The following FLYWCH2 variants were observed in gnomAD, a reference collection of about 807,000 sequenced individuals.
FLYWCH2 encodes the protein FLYWCH family member 2.
In FLYWCH2, 2 loss-of-function variants were observed where a neutral mutation model predicts 6.0. The ratio of observed to expected loss-of-function variants is 0.33; its 90% confidence interval spans 0.14 to 1.04. FLYWCH2 has a LOEUF of 1.04. Among genes scored for constraint, FLYWCH2 ranks in the 50% least tolerant of loss-of-function variants. The pLI, the probability that FLYWCH2 is intolerant of heterozygous loss-of-function variation, is 0.45. For missense variants in FLYWCH2, 192 were observed against 183.4 expected (o/e 1.05, Z -0.27); for synonymous variants, 87 against 79.3 (o/e 1.10, Z -0.52).
Position 2,896,459 on chromosome 16 carries a change from C to G in FLYWCH2, c.10C>G (p.Pro4Ala). The G allele has an allele frequency of 6.2e-7, 1 of 1,611,864 alleles. No homozygotes were observed. The highest frequency in any genetic ancestry group is 8.5e-7 in the Non-Finnish European group (1 of 1,178,794). The change falls in exon 3 of 4, where the codon CCC becomes GCC. Residue 4 changes from proline to alanine, a missense_variant. By Grantham distance (27) the Pro-to-Ala change is conservative. Transcript: ENST00000396958. ...GGCCCTGGGTCCCGGGATGCCCCTGCCCGAGCCCAGCGAGCAGGAGGGTGA... is the reference window on the plus strand; with the variant it reads ...GGCCCTGGGTCCCGGGATGCCCCTGGCCGAGCCCAGCGAGCAGGAGGGTGA... MPL[P>A]EPSEQEGESV...
chr16:2,891,933 T>C (rs1055537986), intron 1 of FLYWCH2, among the ~76,000 whole-genome samples: 6 of 151,740 alleles, frequency 4.0e-5, no homozygotes, highest in African/African-American at 1.5e-4. Flanking sequence ...GGCTCATGCC[T>C]GTAATCCCAG....
At chr16:2,891,562 G>A (rs1378721839) in intron 1 of FLYWCH2, among the ~76,000 whole-genome samples, 1 of 151,790 alleles carries the variant, frequency 6.6e-6, no homozygotes, top group Non-Finnish European at 1.5e-5. Context: ...CCGCCACCAC[G>A]CCCGTCTAAT....
chr16:2,885,566 A>C (rs929868725), intron 1 of FLYWCH2, among the ~76,000 whole-genome samples: 12 of 152,174 alleles, frequency 7.9e-5, no homozygotes, highest in Non-Finnish European at 5.9e-5. Flanking sequence ...TTTCATGTAA[A>C]TGGAATCATA....
intron 1 of FLYWCH2, among the ~76,000 whole-genome samples, chr16:2,892,473 G>A (rs187970636): frequency 7.0e-6 from 1 of 142,772 alleles, no homozygotes; most frequent in African/African-American, 2.6e-5. Context: ...TCCAGCCTGG[G>A]AGACAGAGCG....
At chr16:2,898,865 C>A in intron 3 of FLYWCH2, 184 bp from the exon 4 acceptor site, 1 of 490,312 alleles carries the variant, frequency 2.0e-6, no homozygotes, top group East Asian at 3.5e-5. Context: ...GCTTTTGTGG[C>A]CCTGGCCTGG....
At chr16:2,895,983 A>G (rs981373316) in intron 2 of FLYWCH2, among the ~76,000 whole-genome samples, 8 of 152,218 alleles carry the variant, frequency 5.3e-5, no homozygotes, top group Admixed American at 1.3e-4. Flanking sequence ...GCCTGCTGTC[A>G]TAACAGGGGT....
At chr16:2,897,871 G>A (rs1166429774) in intron 3 of FLYWCH2, among the ~76,000 whole-genome samples, 1 of 152,218 alleles carries the variant, frequency 6.6e-6, no homozygotes, top group Non-Finnish European at 1.5e-5. Context: ...GGAAGAAGGT[G>A]AGTTGGGGTT....
intron 1 of FLYWCH2, among the ~76,000 whole-genome samples, chr16:2,893,094 T>G (rs2069778438): frequency 6.6e-6 from 1 of 151,496 alleles, no homozygotes; most frequent in Non-Finnish European, 1.5e-5. Context: ...CACTCCCAAC[T>G]CCCACACACC....
At chr16:2,898,896 C>T (rs2069851714) in intron 3 of FLYWCH2, 153 bp from the exon 4 acceptor site, 1 of 538,412 alleles carries the variant, frequency 1.9e-6, no homozygotes, top group Non-Finnish European at 3.2e-6. Flanking sequence ...AGCAGCGTCC[C>T]TGAGTGGCAG....
In FLYWCH2 at chr16:2,896,544, C is replaced by T; in HGVS notation, c.95C>T (p.Ala32Val). Residue 32 changes from alanine (A) to valine (V), a missense_variant, in exon 3 of 4, where the codon GCC becomes GTC. Ala to Val is a moderately conservative substitution (Grantham distance 64). Transcript: ENST00000396958. ...PKPGTEVIPAAPRKPRKFSKL... is the reference protein window; with the variant it reads ...PKPGTEVIPAVPRKPRKFSKL... ...CCAGGCACAGAAGTCATCCCGGCAG[C>T]CCCCAGGAAGCCCAGAAAGTTCTCC... 6.2e-7 allele frequency: 1 copy of T among 1,614,182 alleles called. No homozygotes were observed. The highest frequency in any genetic ancestry group is 2.2e-5 in the East Asian group (1 of 44,878).
intron 3 of FLYWCH2, among the ~76,000 whole-genome samples, chr16:2,897,611 C>T (rs964222088): frequency 6.6e-6 from 1 of 152,200 alleles, no homozygotes; most frequent in Non-Finnish European, 1.5e-5. Context: ...GCCATGGTAG[C>T]AGAGATGGGA....
chr16:2,886,190 T>G lies in FLYWCH2; in HGVS notation c.-200+2824T>G, dbSNP rs9935754. Among the ~76,000 whole-genome samples the G allele has an allele frequency of 6.6e-5, 10 of 151,780 alleles. No homozygotes were observed. In the East Asian group the frequency reaches 1.5e-3, roughly 23 times the overall value. On this transcript the variant is annotated intron_variant, in intron 1 of 3. Coordinates refer to ENST00000396958, the MANE Select transcript of FLYWCH2 (RefSeq NM_138439.3). ...CATTATTATTATTATTGTTATTATT[T>G]TTTTTTTTTAGACGGAGTACCACTT...
rs367601895 is a variant in FLYWCH2, at chr16:2,896,815, A to G, written c.322+44A>G. On this transcript the variant is annotated intron_variant, in intron 3 of 3. Transcript: ENST00000396958. ...CCCCCAGGACAGCTCGGCACCTCCC[A>G]GGGTGGCCCCCACAGCCGCGCTGGC... 8.7e-4 allele frequency: 1,352 copies of G among 1,562,858 alleles called. 2 individuals are homozygous for G. The highest frequency in any genetic ancestry group is 1.1e-3 in the Non-Finnish European group (1,254 of 1,157,214).
In FLYWCH2 at chr16:2,896,605, C is replaced by A; in HGVS notation, c.156C>A (p.Thr52=). 6.2e-7 allele frequency: 1 copy of A among 1,614,140 alleles called. No individual in the cohort carries two copies. Among genetic ancestry groups the A allele is most frequent in the Non-Finnish European group, 8.5e-7 (1 of 1,180,016 alleles). The change falls in exon 3 of 4, where the codon ACC becomes ACA. Residue 52 remains threonine, a synonymous_variant. Coordinates refer to ENST00000396958, the MANE Select transcript of FLYWCH2 (RefSeq NM_138439.3). ...LVLLTASKDS[T]KVAGAKRKGV... The stretch of plus-strand genomic sequence containing the variant: ...TGCTCACAGCCTCCAAAGACAGCAC[C>A]AAGGTGGCGGGGGCCAAGCGCAAGG...
At chr16:2,898,131 A>G (rs2150852225) in intron 3 of FLYWCH2, among the ~76,000 whole-genome samples, 1 of 152,298 alleles carries the variant, frequency 6.6e-6, no homozygotes, top group South Asian at 2.1e-4. Flanking sequence ...AGAGGGTCAC[A>G]GCCCCACAGC....
At position 2,899,162 on chromosome 16, in the gene FLYWCH2, G is replaced by T. The variant is rs766964544; in HGVS notation, c.*13G>T. ...CAAGTCCCTGTAACCTTGACAACAGGCGCATCCTCCCAGGCCACCAACCCA... is the reference window on the plus strand; with the variant it reads ...CAAGTCCCTGTAACCTTGACAACAGTCGCATCCTCCCAGGCCACCAACCCA... On this transcript the variant is annotated 3_prime_UTR_variant, in exon 4 of 4. Transcript: ENST00000396958. 1.1e-5 allele frequency: 18 copies of T among 1,605,884 alleles called. No individual in the cohort carries two copies. Among genetic ancestry groups the T allele is most frequent in the Non-Finnish European group, 1.4e-5 (17 of 1,175,308 alleles).
chr16:2,884,129 T>A (rs2069670452), intron 1 of FLYWCH2, among the ~76,000 whole-genome samples: 1 of 152,146 alleles, frequency 6.6e-6, no homozygotes, highest in African/African-American at 2.4e-5. Flanking sequence ...GCTGTCCATA[T>A]CGTCTGGGAA....
Position 2,893,746 on chromosome 16 carries a change from T to TC in FLYWCH2, c.-199-1472dup, listed in dbSNP as rs530019847. 4.4e-3 allele frequency among the ~76,000 whole-genome samples: 654 copies of TC among 149,446 alleles called. 3 individuals are homozygous for TC. The highest frequency in any genetic ancestry group is 0.015 in the African/African-American group (631 of 40,864). ...TCCGCCTCCCAGGTTCACGCCATTC[T>TC]CCTGCCTCAGCCTCCCGAGTAGCTG... is the stretch of plus-strand genomic sequence containing the variant. On this transcript the variant is annotated intron_variant, in intron 1 of 3. Coordinates refer to ENST00000396958, the MANE Select transcript of FLYWCH2 (RefSeq NM_138439.3).
At chr16:2,896,233 G>A (rs2069817748) in intron 2 of FLYWCH2, 119 bp from the exon 3 acceptor site, 1 of 575,824 alleles carries the variant, frequency 1.7e-6, no homozygotes, top group Non-Finnish European at 3.0e-6. Flanking sequence ...CAGGCCCCCT[G>A]TCAGTCTTGG....
Sources: gnomAD v4.1 joint callset for allele counts (sites outside exome capture counted in the v4.1 genomes callset) on GRCh38, gnomAD v4.1.1 for gene constraint, MANE v1.5 for transcripts, NCBI Gene and HGNC (gene_info 2026-07-23, HGNC 2026-07-21) for gene names.